PDE8B: variants seen among roughly 807,000 people sequenced by gnomAD.
The protein encoded by PDE8B is high affinity cAMP-specific and IBMX-insensitive 3',5'-cyclic phosphodiesterase 8B.
PDE8B carries 26 observed loss-of-function variants against 101.3 expected under a neutral mutation model. The ratio of observed to expected loss-of-function variants is 0.26; its 90% CI spans 0.19 to 0.36. The LOEUF (loss-of-function observed/expected upper bound fraction) is 0.36. PDE8B is among the 10% of genes least tolerant of loss of function. The pLI, the probability that PDE8B is intolerant of heterozygous loss-of-function variation, is 1.00. For synonymous variants in PDE8B, 424 were observed against 429.3 expected, an observed-to-expected ratio of 0.99 and a Z score of 0.15; for missense variants, 810 against 1,163.1, an observed-to-expected ratio of 0.70 and a Z score of 4.42.
chr5:77,204,039 T>A, the PDE8B span, among the ~76,000 whole-genome samples: 3 of 150,148 alleles, frequency 2.0e-5, no homozygotes, highest in Non-Finnish European at 4.4e-5. Context: ...AATTAATAAT[T>A]TGTACCCTTA....
Position 77,211,102 on chromosome 5 carries a change from GGGACCCCCCAGC to G in PDE8B, c.179_190del (p.Gly60_Ser63del). On this transcript the variant is annotated inframe_deletion, in exon 1 of 22. Transcript: ENST00000264917. This position sits in a 1 kb window ranked among gnomAD's most constrained non-coding sequence, Gnocchi z 4.1. ...ACGCCATCCCCCCGAGCCGCGCGTC[GGGACCCCCCAGC>G]GTAGCCCGCGTCCGCAGGGCCCGCA... 4 of 1,492,338 alleles carry G rather than the reference GGGACCCCCCAGC, an allele frequency of 2.7e-6. No individual in the cohort carries two copies. The highest frequency in any genetic ancestry group is 3.5e-6 in the Non-Finnish European group (4 of 1,127,828). The allele number at this position is 1,492,338 out of a possible 1,614,324, so 92.4% of individuals were successfully genotyped here.
At chr5:77,164,750 A>G in the PDE8B span, among the ~76,000 whole-genome samples, 1 of 152,140 alleles carries the variant, frequency 6.6e-6, no homozygotes. Flanking sequence ...ATTTGTATAT[A>G]TGTGTGTTGG....
Position 77,421,914 on chromosome 5 carries a change from G to C in PDE8B, c.2344G>C (p.Val782Leu), listed in dbSNP as rs769655505. The change falls in exon 20 of 22, where the codon GTG (valine) becomes CTG (leucine). Residue 782 changes from valine to leucine, a missense_variant. Coordinates refer to ENST00000264917, the MANE Select transcript of PDE8B (RefSeq NM_003719.5). ...IKRMMIKCADVANPCRPLDLC... is the reference protein window; with the variant it reads ...IKRMMIKCADLANPCRPLDLC... ...ACGCATGATGATTAAGTGTGCTGAC[G>C]TGGCCAACCCATGCCGCCCCTTGGA... 6.2e-7 allele frequency: 1 copy of C among 1,614,054 alleles called. No individual in the cohort carries two copies. Among genetic ancestry groups the C allele is most frequent in the Admixed American group, 1.7e-5 (1 of 60,004 alleles).
chr5:77,221,079 A>G (rs1318493351), intron 1 of PDE8B, among the ~76,000 whole-genome samples: 2 of 152,248 alleles, frequency 1.3e-5, no homozygotes, highest in African/African-American at 4.8e-5. Flanking sequence ...GTATCTTTTA[A>G]CTAGAACTGT....
In PDE8B at chr5:77,222,482, C is replaced by T. The variant is rs549888424; in HGVS notation, c.339+11218C>T. The stretch of plus-strand genomic sequence containing the variant: ...CCTAAAAATACAAAAATTAGCTGGG[C>T]GTGGTGGCTTGCACCTGTAATCCCA... On this transcript the variant is annotated intron_variant, in intron 1 of 21. Transcript: ENST00000264917. Among the ~76,000 whole-genome samples the T allele has an allele frequency of 1.1e-4, 17 of 152,216 alleles. No individual in the cohort carries two copies. The South Asian group carries it at 2.1e-3, about 19-fold the overall frequency.
chr5:77,340,597 C>T (rs1347520092), intron 6 of PDE8B, among the ~76,000 whole-genome samples: 1 of 114,440 alleles, frequency 8.7e-6, no homozygotes, highest in Non-Finnish European at 1.8e-5. Context: ...CAGGCAGCCT[C>T]ACAGTGTGTG....
At chr5:77,424,819 G>GTTTTTTTTTTTTTTT (rs912849753) in intron 20 of PDE8B, among the ~76,000 whole-genome samples, 2 of 110,046 alleles carry the variant, frequency 1.8e-5, no homozygotes. Flanking sequence ...CTGTTTTTTT[G>GTTTTTTTTTTTTTTT]TTTTTTGTTT....
chr5:77,165,560 A>G, the PDE8B span: 1 of 151,244 alleles, frequency 6.6e-6, no homozygotes, highest in East Asian at 1.9e-4. Flanking sequence ...AACAACTGCA[A>G]CAACAACAAA....
At position 77,398,300 on chromosome 5, in the gene PDE8B, C is replaced by T. The variant is rs372438891; in HGVS notation, c.1168-1948C>T. On this transcript the variant is annotated intron_variant, in intron 10 of 21. Transcript: ENST00000264917. ...AAAAACCTTTTTCCTAATTGTAATTCCTAATCAAGCTGTTTTACTTTTTTT... is the reference window on the plus strand; with the variant it reads ...AAAAACCTTTTTCCTAATTGTAATTTCTAATCAAGCTGTTTTACTTTTTTT... Among the ~76,000 whole-genome samples the T allele has an allele frequency of 1.3e-4, 19 of 146,976 alleles. No homozygotes were observed. The East Asian group carries it at 2.0e-3, about 15-fold the overall frequency.
intron 1 of PDE8B, among the ~76,000 whole-genome samples, chr5:77,300,838 G>T (rs1447896647): frequency 6.6e-6 from 1 of 152,214 alleles, no homozygotes; most frequent in African/African-American, 2.4e-5. Context: ...GATGTTAATG[G>T]TGCTTTTTAT....
At chr5:77,096,956 C>T in the PDE8B span, among the ~76,000 whole-genome samples, 5 of 152,236 alleles carry the variant, frequency 3.3e-5, no homozygotes, top group African/African-American at 1.2e-4. Context: ...TGCAGGGACA[C>T]AGTTCAACTC....
intron 1 of PDE8B, among the ~76,000 whole-genome samples, chr5:77,223,863 C>G (rs911030911): frequency 6.6e-6 from 1 of 152,192 alleles, no homozygotes; most frequent in Non-Finnish European, 1.5e-5. Flanking sequence ...CAGCCCCCTC[C>G]GCTGATCAGC....
chr5:77,180,265 G>T, the PDE8B span, among the ~76,000 whole-genome samples: 12 of 152,228 alleles, frequency 7.9e-5, no homozygotes, highest in Admixed American at 6.5e-4. Flanking sequence ...CCGGGGACGC[G>T]TCTGGAAAGT....
chr5:77,317,345 T>C (rs896593315), intron 2 of PDE8B, among the ~76,000 whole-genome samples: 2 of 152,192 alleles, frequency 1.3e-5, no homozygotes, highest in African/African-American at 4.8e-5. Context: ...CCAGAGCCCT[T>C]AGGGCTTGGG....
At chr5:77,357,611 G>A (rs972081876) in intron 10 of PDE8B, among the ~76,000 whole-genome samples, 11 of 152,126 alleles carry the variant, frequency 7.2e-5, no homozygotes, top group Middle Eastern at 3.2e-3. Flanking sequence ...AGATGTGTGC[G>A]GTCTGAGTGT....
At position 77,397,026 on chromosome 5, in the gene PDE8B, A is replaced by ATTTTTTTTTTTTTTTTTT. The variant is rs71606290; in HGVS notation, c.1168-3215_1168-3198dup. Among the ~76,000 whole-genome samples the ATTTTTTTTTTTTTTTTTT allele has an allele frequency of 5.0e-4, 42 of 84,400 alleles. 7 individuals carry two copies. Among genetic ancestry groups the ATTTTTTTTTTTTTTTTTT allele is most frequent in the African/African-American group, 1.6e-3 (30 of 18,230 alleles). The allele number at this position is 84,400 out of a possible 152,430, so 55.4% of individuals were successfully genotyped here. ...TTGGTTTCTATATTTCCGATAAGAA[A>ATTTTTTTTTTTTTTTTTT]TTTTTTTTTTTTTTTTTTTTTTTTG... is the stretch of plus-strand genomic sequence containing the variant. On this transcript the variant is annotated intron_variant, in intron 10 of 21. Coordinates refer to ENST00000264917, the MANE Select transcript of PDE8B (RefSeq NM_003719.5).
intron 6 of PDE8B, among the ~76,000 whole-genome samples, chr5:77,344,381 G>A (rs1779785591): frequency 1.3e-5 from 2 of 152,190 alleles, no homozygotes; most frequent in South Asian, 2.1e-4. Flanking sequence ...TGAGTCCATT[G>A]TTGAAATATC....
chr5:77,126,046 G>C, the PDE8B span, among the ~76,000 whole-genome samples: 41 of 152,218 alleles, frequency 2.7e-4, no homozygotes, highest in African/African-American at 9.6e-4. Flanking sequence ...TAGCACTTTG[G>C]GAGGCTGAGG....
chr5:77,334,714 G>GC (rs1777795061), intron 5 of PDE8B, among the ~76,000 whole-genome samples: 2 of 152,142 alleles, frequency 1.3e-5, no homozygotes, highest in Non-Finnish European at 2.9e-5. Flanking sequence ...AACTAAACTT[G>GC]CCAGAGCTCA....
Sources: gnomAD v4.1 joint callset for allele counts (sites outside exome capture counted in the v4.1 genomes callset) on GRCh38, gnomAD v4.1.1 for gene constraint, Gnocchi (gnomAD v3.1) non-coding constraint, MANE v1.5 for transcripts, NCBI Gene and HGNC (gene_info 2026-07-23, HGNC 2026-07-21) for gene names.